B3GALT1: variants seen among roughly 807,000 people sequenced by gnomAD.
B3GALT1 encodes beta-1,3-galactosyltransferase 1, also known as UDP-Gal:betaGlcNAc beta 1,3-galactosyltransferase, polypeptide 1.
B3GALT1 carries 10 observed loss-of-function variants against 23.2 expected under a neutral mutation model. The ratio of observed to expected loss-of-function variants is 0.43; its 90% confidence interval spans 0.27 to 0.73. B3GALT1 has a LOEUF of 0.73. Ranked by LOEUF, B3GALT1 falls within the 30% of genes least tolerant of loss-of-function variation. The probability of loss-of-function intolerance (pLI) is 0.21; values close to 1 mark genes in which losing one functional copy is unlikely to be tolerated. For missense variants in B3GALT1, 299 were observed against 405.4 expected (o/e 0.74, Z 2.25); for synonymous variants, 156 against 141.5 (o/e 1.10, Z -0.73).
intron 3 of B3GALT1, among the ~76,000 whole-genome samples, chr2:167,787,490 TG>T (rs1307514795): frequency 6.6e-6 from 1 of 152,222 alleles, no homozygotes; most frequent in African/African-American, 2.4e-5. Flanking sequence ...TCTGGTTCTA[TG>T]TATTTGATTC....
At chr2:167,470,934 T>C (rs114219998) in intron 1 of B3GALT1, among the ~76,000 whole-genome samples, 1,774 of 152,322 alleles carry the variant, frequency 0.012, 40 homozygotes, top group African/African-American at 0.041. Flanking sequence ...AAGGATTCCT[T>C]ATTCCACAAA....
intron 3 of B3GALT1, among the ~76,000 whole-genome samples, chr2:167,751,190 G>A (rs1574244422): frequency 6.6e-6 from 1 of 152,126 alleles, no homozygotes; most frequent in Non-Finnish European, 1.5e-5. Context: ...TTATATTTTG[G>A]CACATTACTA....
At chr2:167,402,559 T>C (rs1333121563) in intron 1 of B3GALT1, among the ~76,000 whole-genome samples, 1 of 152,182 alleles carries the variant, frequency 6.6e-6, no homozygotes, top group Non-Finnish European at 1.5e-5. Flanking sequence ...TTCTTAGTTA[T>C]GAAGGTTTTT....
At chr2:167,441,975 C>T (rs935094377) in intron 1 of B3GALT1, among the ~76,000 whole-genome samples, 2 of 151,858 alleles carry the variant, frequency 1.3e-5, no homozygotes, top group African/African-American at 4.8e-5. Context: ...GTGTGCTGCA[C>T]CCATTAACTC....
chr2:167,698,537 G>A (rs530592857), intron 3 of B3GALT1, among the ~76,000 whole-genome samples: 7 of 152,242 alleles, frequency 4.6e-5, no homozygotes, highest in Admixed American at 3.3e-4. Flanking sequence ...GAACCAAGCC[G>A]GAGAGGTCAC....
chr2:167,596,552 T>C (rs951257450), intron 2 of B3GALT1, among the ~76,000 whole-genome samples: 22 of 152,228 alleles, frequency 1.4e-4, no homozygotes, highest in Non-Finnish European at 4.4e-5. Context: ...ACACTGAGTA[T>C]AGTATAGGCC....
intron 2 of B3GALT1, among the ~76,000 whole-genome samples, chr2:167,590,345 C>CAAA (rs397873377): frequency 1.3e-5 from 1 of 78,302 alleles, no homozygotes; most frequent in Admixed American, 1.4e-4. Flanking sequence ...GACTCTGTCT[C>CAAA]AAAAAAAAAA....
intron 3 of B3GALT1, among the ~76,000 whole-genome samples, chr2:167,726,759 G>A (rs1687323164): frequency 6.6e-6 from 1 of 152,220 alleles, no homozygotes; most frequent in Non-Finnish European, 1.5e-5. Context: ...TCACACTTCA[G>A]TCTAACTGGC....
chr2:167,765,046 T>C (rs1484918508), intron 3 of B3GALT1, among the ~76,000 whole-genome samples: 1 of 152,184 alleles, frequency 6.6e-6, no homozygotes, highest in Non-Finnish European at 1.5e-5. Context: ...CCGTTCACGC[T>C]GGCATTTTGG....
chr2:167,759,768 C>T (rs1687872820), intron 3 of B3GALT1, among the ~76,000 whole-genome samples: 1 of 152,122 alleles, frequency 6.6e-6, no homozygotes, highest in Admixed American at 6.6e-5. Flanking sequence ...AAACATGCCA[C>T]TGTGCTAGGG....
intron 4 of B3GALT1, among the ~76,000 whole-genome samples, chr2:167,825,437 G>GATGT (rs1553491809): frequency 6.9e-6 from 1 of 144,574 alleles, no homozygotes; most frequent in African/African-American, 2.6e-5. Flanking sequence ...TATATGCAGG[G>GATGT]GTGTGTGTGT....
intron 3 of B3GALT1, among the ~76,000 whole-genome samples, chr2:167,707,302 G>C (rs1396656636): frequency 6.6e-6 from 1 of 151,966 alleles, no homozygotes; most frequent in East Asian, 1.9e-4. Flanking sequence ...CTTAATTTTG[G>C]GGTGGTTTAT....
At chr2:167,563,101 T>C (rs952182438) in intron 2 of B3GALT1, among the ~76,000 whole-genome samples, 3 of 149,728 alleles carry the variant, frequency 2.0e-5, no homozygotes, top group Non-Finnish European at 4.5e-5. Flanking sequence ...TCCCCACCTT[T>C]CCCCCCCTTC....
intron 2 of B3GALT1, among the ~76,000 whole-genome samples, chr2:167,508,133 A>G (rs943979896): frequency 6.6e-6 from 1 of 152,212 alleles, no homozygotes; most frequent in Non-Finnish European, 1.5e-5. Flanking sequence ...CCACAACCTA[A>G]TACCATCACA....
intron 2 of B3GALT1, among the ~76,000 whole-genome samples, chr2:167,622,190 A>T (rs1685271478): frequency 6.6e-6 from 1 of 152,104 alleles, no homozygotes; most frequent in Non-Finnish European, 1.5e-5. Flanking sequence ...GTAGTTTGGA[A>T]ATTGAACCAC....
intron 3 of B3GALT1, among the ~76,000 whole-genome samples, chr2:167,737,172 C>T (rs1334859672): frequency 6.6e-6 from 1 of 152,300 alleles, no homozygotes; most frequent in East Asian, 1.9e-4. Context: ...CAGGAGCTTA[C>T]ATTCATTGAA....
At position 167,664,205 on chromosome 2, in the gene B3GALT1, T is replaced by C. The variant is rs1027678465; in HGVS notation, c.-352+17239T>C. On this transcript the variant is annotated intron_variant, in intron 3 of 4. Coordinates refer to ENST00000392690, the MANE Select transcript of B3GALT1 (RefSeq NM_020981.4). ...GGCTAGCCAGTTTTCCAAGCACCAT[T>C]TATTAAATAGGGAATCCTTTCCCCA... Among the ~76,000 whole-genome samples, 131 of 150,520 alleles carry C rather than the reference T, an allele frequency of 8.7e-4. 2 individuals carry two copies. The highest frequency in any genetic ancestry group is 4.2e-4 in the South Asian group (2 of 4,748).
chr2:167,806,917 A>G (rs1688768371), intron 3 of B3GALT1, among the ~76,000 whole-genome samples: 3 of 152,210 alleles, frequency 2.0e-5, no homozygotes, highest in Non-Finnish European at 4.4e-5. Context: ...TACCTCTGGT[A>G]GAATTCGGCT....
intron 3 of B3GALT1, among the ~76,000 whole-genome samples, chr2:167,719,680 T>C (rs1207747876): frequency 6.6e-6 from 1 of 152,120 alleles, no homozygotes; most frequent in Non-Finnish European, 1.5e-5. Context: ...ACGCCTGTAA[T>C]CCAGCACTTT....
Sources: allele counts gnomAD v4.1 joint callset (sites outside exome capture counted in the v4.1 genomes callset), GRCh38; gene constraint gnomAD v4.1.1; transcripts MANE v1.5; gene names NCBI Gene and HGNC (gene_info 2026-07-23, HGNC 2026-07-21).